ROBO2: variants seen among roughly 807,000 people sequenced by gnomAD.
The protein encoded by ROBO2 is roundabout homolog 2.
A neutral mutation model predicts 160.8 loss-of-function variants in ROBO2; 53 were observed. The ratio of observed to expected loss-of-function variants is 0.33; its 90% CI spans 0.26 to 0.41. The LOEUF is 0.41. ROBO2 is among the 10% of genes least tolerant of loss of function. The pLI is 1.00. For synonymous variants in ROBO2, 664 were observed against 611.7 expected (o/e 1.09, Z -1.26); for missense variants, 1,577 against 1,722.4 (o/e 0.92, Z 1.49).
At chr3:76,587,217 TA>T (rs1350488369) in intron 2 of ROBO2, among the ~76,000 whole-genome samples, 12 of 152,160 alleles carry the variant, frequency 7.9e-5, no homozygotes, top group Non-Finnish European at 1.8e-4. Context: ...TTTATGTTTT[TA>T]TTGCTTTTTC....
At chr3:77,102,581 T>G (rs2072117346) in intron 2 of ROBO2, among the ~76,000 whole-genome samples, 1 of 152,220 alleles carries the variant, frequency 6.6e-6, no homozygotes, top group African/African-American at 2.4e-5. Context: ...TTACTATTTT[T>G]TATTCACATT....
At chr3:76,265,885 CAAGG>C (rs1206711394) in intron 2 of ROBO2, among the ~76,000 whole-genome samples, 1 of 152,024 alleles carries the variant, frequency 6.6e-6, no homozygotes, top group Non-Finnish European at 1.5e-5. Flanking sequence ...TTAAAAGTAA[CAAGG>C]AAAGAGCCTT....
At chr3:76,693,080 ATATATT>A (rs2092842190) in intron 2 of ROBO2, among the ~76,000 whole-genome samples, 1 of 149,492 alleles carries the variant, frequency 6.7e-6, no homozygotes. Context: ...TATATAGTGT[ATATATT>A]TAGTGTACAT....
intron 2 of ROBO2, among the ~76,000 whole-genome samples, chr3:76,100,656 T>G (rs900310837): frequency 1.3e-5 from 2 of 152,154 alleles, no homozygotes; most frequent in African/African-American, 4.8e-5. Context: ...AAATATGCAC[T>G]GAAGCCATTA....
At chr3:77,363,640 A>G (rs1258411244) in intron 2 of ROBO2, among the ~76,000 whole-genome samples, 1 of 152,168 alleles carries the variant, frequency 6.6e-6, no homozygotes, top group Admixed American at 6.5e-5. Flanking sequence ...CTGACAATAG[A>G]CTGAGAGTGT....
At chr3:76,688,112 AAGT>A in intron 2 of ROBO2, among the ~76,000 whole-genome samples, 1 of 152,180 alleles carries the variant, frequency 6.6e-6, no homozygotes, top group East Asian at 1.9e-4. Flanking sequence ...CTACACTGAA[AAGT>A]AGTAATCATA....
intron 2 of ROBO2, among the ~76,000 whole-genome samples, chr3:76,439,034 G>T (rs2076806954): frequency 6.6e-6 from 1 of 152,072 alleles, no homozygotes; most frequent in Non-Finnish European, 1.5e-5. Flanking sequence ...ATAGACAATG[G>T]AGAAAGGATA....
intron 2 of ROBO2, among the ~76,000 whole-genome samples, chr3:77,235,214 T>C (rs907730206): frequency 1.3e-5 from 2 of 152,206 alleles, no homozygotes; most frequent in Admixed American, 1.3e-4. Flanking sequence ...ATATCATACA[T>C]AGAATTATGA....
At chr3:75,915,924 TAAGTA>T (rs1279187242) in intron 1 of ROBO2, among the ~76,000 whole-genome samples, 1 of 152,218 alleles carries the variant, frequency 6.6e-6, no homozygotes, top group Non-Finnish European at 1.5e-5. Flanking sequence ...TTCTAAATAT[TAAGTA>T]AATAAAACCA....
intron 2 of ROBO2, among the ~76,000 whole-genome samples, chr3:77,286,441 G>GA (rs5850323): frequency 0.92 from 140,403 of 152,054 alleles, 65,618 homozygotes; most frequent in East Asian, 1. Flanking sequence ...ATTTTTAGTA[G>GA]GATGGGGTTT....
At chr3:76,079,756 G>A (rs540142397) in intron 2 of ROBO2, among the ~76,000 whole-genome samples, 1 of 152,056 alleles carries the variant, frequency 6.6e-6, no homozygotes, top group Admixed American at 6.5e-5. Flanking sequence ...AAAGTGCTAG[G>A]TAAAATTTAG....
intron 2 of ROBO2, among the ~76,000 whole-genome samples, chr3:77,030,131 A>C (rs1018675454): frequency 1.3e-5 from 2 of 151,878 alleles, no homozygotes; most frequent in African/African-American, 4.8e-5. Context: ...TTTTTAGTAG[A>C]GACGGGGTTT....
At chr3:76,729,310 A>G (rs2093598841) in intron 2 of ROBO2, among the ~76,000 whole-genome samples, 1 of 152,098 alleles carries the variant, frequency 6.6e-6, no homozygotes, top group African/African-American at 2.4e-5. Flanking sequence ...GCCAAATTCT[A>G]GGATATAGTA....
intron 2 of ROBO2, among the ~76,000 whole-genome samples, chr3:76,085,359 A>G (rs768835978): frequency 6.6e-5 from 10 of 152,272 alleles, no homozygotes. Context: ...TACAAAAGCT[A>G]ATTTATCAGA....
chr3:77,373,245 T>C (rs2072079855), intron 2 of ROBO2, among the ~76,000 whole-genome samples: 2 of 149,872 alleles, frequency 1.3e-5, no homozygotes, highest in African/African-American at 4.9e-5. Context: ...GCAAGACATG[T>C]GGAAGTATTA....
At chr3:76,312,485 G>T (rs900263394) in intron 2 of ROBO2, among the ~76,000 whole-genome samples, 24 of 152,096 alleles carry the variant, frequency 1.6e-4, no homozygotes, top group Non-Finnish European at 2.9e-5. Flanking sequence ...CTGTACCTTT[G>T]AGGGAAAAGT....
Position 76,482,648 on chromosome 3 carries a change from G to T in ROBO2, c.109+545046G>T, listed in dbSNP as rs557696614. ...TCTGATTGTCTCCGTGGCAAGCCAT[G>T]TCATGTATGGACAACTCCATCTCAC... On this transcript the variant is annotated intron_variant, in intron 2 of 26. Transcript: ENST00000487694. 5.3e-5 allele frequency among the ~76,000 whole-genome samples: 8 copies of T among 152,230 alleles called. No homozygotes were observed. In the South Asian group the frequency reaches 1.7e-3, roughly 32 times the overall value.
intron 2 of ROBO2, among the ~76,000 whole-genome samples, chr3:76,221,164 C>T (rs1169079387): frequency 6.6e-6 from 1 of 152,230 alleles, no homozygotes; most frequent in Non-Finnish European, 1.5e-5. Flanking sequence ...GAAAGCATTC[C>T]TCCATCTAGA....
chr3:76,985,379 G>A (rs1345631556), intron 2 of ROBO2, among the ~76,000 whole-genome samples: 1 of 151,502 alleles, frequency 6.6e-6, no homozygotes, highest in Non-Finnish European at 1.5e-5. Context: ...TCAGGAGATC[G>A]AGACCATCCT....
Sources: gnomAD v4.1 joint callset for allele counts (sites outside exome capture counted in the v4.1 genomes callset) on GRCh38, gnomAD v4.1.1 for gene constraint, MANE v1.5 for transcripts, NCBI Gene and HGNC (gene_info 2026-07-23, HGNC 2026-07-21) for gene names.